The following PPP6R2 variants were observed in gnomAD, a reference collection of about 807,000 sequenced individuals.
PPP6R2 encodes serine/threonine-protein phosphatase 6 regulatory subunit 2.
PPP6R2 carries 62 observed loss-of-function variants against 100.2 expected under a neutral mutation model. That is an observed-to-expected ratio of 0.62 (90% confidence interval 0.50 to 0.76). The LOEUF is 0.76. Among genes scored for constraint, PPP6R2 ranks in the 30% least tolerant of loss-of-function variants. PPP6R2 has a pLI of 0.00. For missense variants in PPP6R2, 1,142 were observed against 1,276.3 expected, an observed-to-expected ratio of 0.89 and a Z score of 1.60; for synonymous variants, 525 against 514.7, an observed-to-expected ratio of 1.02 and a Z score of -0.27.
chr22:50,371,360 G>C (rs1054139481), intron 1 of PPP6R2, among the ~76,000 whole-genome samples: 2 of 152,050 alleles, frequency 1.3e-5, no homozygotes, highest in African/African-American at 4.8e-5. Flanking sequence ...AAGACTGCCA[G>C]GTTGCCTAAG....
chr22:50,436,033 T>A (rs138002306), intron 13 of PPP6R2, among the ~76,000 whole-genome samples: 2 of 152,338 alleles, frequency 1.3e-5, no homozygotes, highest in African/African-American at 4.8e-5. Flanking sequence ...GTTCCACGGC[T>A]TCTGCGTTTC....
intron 1 of PPP6R2, 23 bp downstream of exon 1, chr22:50,343,573 C>T (rs1167252783): frequency 6.5e-6 from 1 of 153,226 alleles, no homozygotes; most frequent in Non-Finnish European, 1.5e-5. Flanking sequence ...GCCCGCCGCT[C>T]AGACCCGGCC....
intron 2 of PPP6R2, among the ~76,000 whole-genome samples, chr22:50,384,364 G>A (rs2053757405): frequency 6.6e-6 from 1 of 152,238 alleles, no homozygotes; most frequent in African/African-American, 2.4e-5. Flanking sequence ...GACCATCCTG[G>A]CTAACACAGT....
At chr22:50,368,087 T>C (rs948756660) in intron 1 of PPP6R2, among the ~76,000 whole-genome samples, 9 of 152,208 alleles carry the variant, frequency 5.9e-5, no homozygotes, top group Admixed American at 5.9e-4. Flanking sequence ...TCAAAGACGT[T>C]AGTACTTTCA....
At chr22:50,387,471 C>T (rs2054489224) in intron 2 of PPP6R2, among the ~76,000 whole-genome samples, 1 of 152,138 alleles carries the variant, frequency 6.6e-6, no homozygotes, top group African/African-American at 2.4e-5. Context: ...GGACTATGCT[C>T]AGGATCGACA....
chr22:50,380,976 G>T lies in PPP6R2; in HGVS notation c.-17+8826G>T, dbSNP rs1297364786. On this transcript the variant is annotated intron_variant, in intron 2 of 23. Transcript: ENST00000612753. ...TGCACTCCAGCCTGGGCGACAGCGA[G>T]ACTCCATCTCAAAAAAAAAAAAAAA... Among the ~76,000 whole-genome samples the T allele has an allele frequency of 3.1e-5, 4 of 130,812 alleles. No homozygotes were observed. The East Asian group carries it at 8.8e-4, about 29-fold the overall frequency. 85.8% of individuals were successfully genotyped at this position (130,812 alleles called of 152,430 possible). A position where few individuals can be genotyped will look rare whatever the true frequency, so the allele number is the denominator to read the frequency against.
intron 2 of PPP6R2, among the ~76,000 whole-genome samples, chr22:50,386,385 C>T (rs1204978701): frequency 1.3e-5 from 2 of 152,142 alleles, no homozygotes; most frequent in Non-Finnish European, 2.9e-5. Context: ...AGGTGATCCA[C>T]CTGCCTCGAC....
In PPP6R2 at chr22:50,414,709, C is replaced by T. The variant is rs748142899; in HGVS notation, c.552+20C>T. On this transcript the variant is annotated intron_variant, in intron 5 of 23. Coordinates refer to ENST00000612753, the MANE Select transcript of PPP6R2 (RefSeq NM_001242898.2). ...CTGCACGTGAGTGCGGGAGTCCCCC[C>T]CCGTTCCCGAGGGCAGGGGTGCTGC... 1.9e-6 allele frequency: 3 copies of T among 1,607,482 alleles called. No homozygotes were observed. The highest frequency in any genetic ancestry group is 2.2e-5 in the East Asian group (1 of 44,740).
chr22:50,379,571 G>A (rs927121668), intron 2 of PPP6R2, among the ~76,000 whole-genome samples: 1 of 152,146 alleles, frequency 6.6e-6, no homozygotes, highest in Non-Finnish European at 1.5e-5. Flanking sequence ...ATTCAAAAAA[G>A]AATGCAAAGC....
intron 13 of PPP6R2, 72 bp from the exon 14 acceptor site, chr22:50,436,295 C>T (rs564188029): frequency 1.5e-5 from 21 of 1,391,932 alleles, no homozygotes; most frequent in Admixed American, 4.0e-5. Context: ...ATGCACCTGC[C>T]GGAGCCCCCG....
intron 2 of PPP6R2, among the ~76,000 whole-genome samples, chr22:50,374,778 G>T (rs1412948740): frequency 6.6e-6 from 1 of 152,022 alleles, no homozygotes; most frequent in Non-Finnish European, 1.5e-5. Context: ...GCCGGGCGTG[G>T]TGGTGCGCGC....
At chr22:50,369,014 G>A (rs1162066050) in intron 1 of PPP6R2, among the ~76,000 whole-genome samples, 2 of 152,112 alleles carry the variant, frequency 1.3e-5, no homozygotes, top group Non-Finnish European at 2.9e-5. Context: ...CGAGGTGGGC[G>A]GATCAGCTGA....
Position 50,419,403 on chromosome 22 carries a change from G to T in PPP6R2, c.786G>T (p.Glu262Asp), listed in dbSNP as rs149262092. 7.7e-4 allele frequency: 1,248 copies of T among 1,614,234 alleles called. 6 individuals carry two copies. In the African/African-American group the frequency reaches 0.014, roughly 18 times the overall value. ...ACATGTTTGATGGAGACCGGACGGA[G>T]AGCTGCCTCGTCAGTGGGACTCAGG... ...LKNMFDGDRT[E>D]SCLVSGTQVL... The change falls in exon 8 of 24, where the codon GAG (glutamate) becomes GAT (aspartate). Residue 262 changes from glutamate to aspartate, a missense_variant. Physicochemically the swap from Glu to Asp is conservative, Grantham distance 45. Transcript: ENST00000612753.
upstream of PPP6R2, chr22:50,343,244 A>C (rs922740304): frequency 2.0e-5 from 3 of 147,310 alleles, no homozygotes; most frequent in South Asian, 3.8e-4. Flanking sequence ...GGCCCCGCCC[A>C]CCCGCGCGGC....
chr22:50,421,626 AG>A (rs2061347257), intron 8 of PPP6R2, among the ~76,000 whole-genome samples: 1 of 152,066 alleles, frequency 6.6e-6, no homozygotes, highest in South Asian at 2.1e-4. Flanking sequence ...AAAACACCAC[AG>A]GGGGTAGGCG....
At chr22:50,354,556 C>T (rs1173771967) in intron 1 of PPP6R2, among the ~76,000 whole-genome samples, 2 of 151,348 alleles carry the variant, frequency 1.3e-5, no homozygotes, top group African/African-American at 2.4e-5. Context: ...GTGGGCACGG[C>T]GCCTCACACC....
intron 8 of PPP6R2, among the ~76,000 whole-genome samples, 172 bp from the exon 9 acceptor site, chr22:50,422,082 T>A (rs1385939562): frequency 6.6e-6 from 1 of 152,118 alleles, no homozygotes; most frequent in East Asian, 1.9e-4. Context: ...CTCTTCTGCC[T>A]GTACCAGTCA....
At chr22:50,409,721 C>A (rs896660719) in intron 4 of PPP6R2, among the ~76,000 whole-genome samples, 6 of 151,886 alleles carry the variant, frequency 4.0e-5, no homozygotes, top group African/African-American at 1.5e-4. Flanking sequence ...CCACCGCGCC[C>A]GGCCGACGAT....
intron 3 of PPP6R2, among the ~76,000 whole-genome samples, chr22:50,398,515 C>CTTT (rs539664240): frequency 1.6e-5 from 2 of 123,998 alleles, no homozygotes; most frequent in African/African-American, 3.0e-5. Context: ...CATATTAAGA[C>CTTT]TTTTTTTTTT....
Sources: gnomAD v4.1 joint callset for allele counts (sites outside exome capture counted in the v4.1 genomes callset) on GRCh38, gnomAD v4.1.1 for gene constraint, MANE v1.5 for transcripts, NCBI Gene and HGNC (gene_info 2026-07-23, HGNC 2026-07-21) for gene names.